Variants in DDX10 observed in about 807,000 individuals in gnomAD.
DDX10 encodes probable ATP-dependent RNA helicase DDX10.
In DDX10, 74 loss-of-function variants were observed where a neutral mutation model predicts 104.3. The ratio of observed to expected loss-of-function variants is 0.71; its 90% CI spans 0.59 to 0.86. The LOEUF is 0.86. Ranked by LOEUF, DDX10 falls within the 40% of genes least tolerant of loss-of-function variation. The pLI, the probability that DDX10 is intolerant of heterozygous loss-of-function variation, is 0.00. For missense variants in DDX10, 952 were observed against 1,040.0 expected (o/e 0.92, Z 1.16); for synonymous variants, 351 against 353.4 (o/e 0.99, Z 0.08).
intron 13 of DDX10, among the ~76,000 whole-genome samples, chr11:108,735,783 TGA>T (rs1189423176): frequency 6.6e-6 from 1 of 152,136 alleles, no homozygotes; most frequent in Non-Finnish European, 1.5e-5. Flanking sequence ...TATTGAACAC[TGA>T]GAGCTAGGCA....
At chr11:108,905,005 C>T (rs1051618283) in intron 16 of DDX10, among the ~76,000 whole-genome samples, 1 of 152,112 alleles carries the variant, frequency 6.6e-6, no homozygotes, top group African/African-American at 2.4e-5. Flanking sequence ...TAATTTGAGA[C>T]CTATGTTCTT....
At chr11:108,731,414 TAA>T (rs1257761840) in intron 13 of DDX10, among the ~76,000 whole-genome samples, 5 of 152,146 alleles carry the variant, frequency 3.3e-5, no homozygotes, top group Non-Finnish European at 7.3e-5. Context: ...TTTTAAAAAT[TAA>T]TACTTATTTT....
rs2094345466 is a variant in DDX10 at position 108,757,176 on chromosome 11, A to G, written c.1965+33714A>G. ...CAAACCAAATCATCAACCTGTCTGCAGTCTCCTTCACCTCTGTCTTCTTCC... is the reference window on the plus strand; with the variant it reads ...CAAACCAAATCATCAACCTGTCTGCGGTCTCCTTCACCTCTGTCTTCTTCC... On this transcript the variant is annotated intron_variant, in intron 13 of 17. Transcript: ENST00000322536. Among the ~76,000 whole-genome samples the G allele has an allele frequency of 2.0e-5, 3 of 152,110 alleles. No individual in the cohort carries two copies. The South Asian group carries it at 6.2e-4, about 32-fold the overall frequency.
chr11:108,829,040 C>G (rs969675450), intron 13 of DDX10, among the ~76,000 whole-genome samples: 1 of 152,206 alleles, frequency 6.6e-6, no homozygotes, highest in African/African-American at 2.4e-5. Context: ...GCAAATTGTG[C>G]TGCTATAAGC....
chr11:108,882,459 G>A (rs899208650), intron 16 of DDX10, among the ~76,000 whole-genome samples: 1 of 152,112 alleles, frequency 6.6e-6, no homozygotes, highest in Non-Finnish European at 1.5e-5. Flanking sequence ...ATGAATGTTG[G>A]GCTGAAATGA....
At chr11:108,692,221 C>T (rs866988761) in intron 8 of DDX10, among the ~76,000 whole-genome samples, 183 bp downstream of exon 8, 7 of 152,086 alleles carry the variant, frequency 4.6e-5, no homozygotes, top group South Asian at 4.1e-4. Context: ...TGAAAATTTC[C>T]ACAGTATTTG....
At chr11:108,846,398 C>A (rs567083892) in intron 15 of DDX10, among the ~76,000 whole-genome samples, 1 of 152,264 alleles carries the variant, frequency 6.6e-6, no homozygotes, top group East Asian at 1.9e-4. Context: ...TACACTATAA[C>A]CAACATCTTC....
chr11:108,691,681 T>C (rs2094252676), intron 7 of DDX10, among the ~76,000 whole-genome samples, 195 bp from the exon 8 acceptor site: 2 of 152,218 alleles, frequency 1.3e-5, no homozygotes, highest in African/African-American at 4.8e-5. Context: ...CGTTAGGAAA[T>C]AGAAATGTGA....
At position 108,794,552 on chromosome 11, in the gene DDX10, T is replaced by C. The variant is rs576040482; in HGVS notation, c.1966-43894T>C. Among the ~76,000 whole-genome samples, 5 of 14,974 alleles carry C rather than the reference T, an allele frequency of 3.3e-4. No homozygotes were observed. In the East Asian group the frequency reaches 7.3e-3, roughly 22 times the overall value. 9.8% of individuals were successfully genotyped at this position (14,974 alleles called of 152,430 possible). A position where few individuals can be genotyped will look rare whatever the true frequency, so the allele number is the denominator to read the frequency against. ...AAGTTGAATAAGTTCCATTTCCTTC[T>C]GTTCAGTTTTTTTTTTTAATCACAA... is the stretch of plus-strand genomic sequence containing the variant. On this transcript the variant is annotated intron_variant, in intron 13 of 17. Transcript: ENST00000322536.
At chr11:108,706,714 A>G (rs375212124) in intron 9 of DDX10, 25 bp from the exon 10 acceptor site, 1 of 1,574,264 alleles carries the variant, frequency 6.4e-7, no homozygotes, top group Non-Finnish European at 8.7e-7. Flanking sequence ...TTGATGTGTT[A>G]AAGATTTTGT....
intron 6 of DDX10, among the ~76,000 whole-genome samples, chr11:108,684,141 CTTT>C (rs56168476): frequency 3.2e-5 from 1 of 31,308 alleles, no homozygotes; most frequent in African/African-American, 1.2e-4. Flanking sequence ...ATTTCCAGTT[CTTT>C]TTTTTTTTTT....
chr11:108,940,164 A>G, intron 17 of DDX10, 82 bp from the exon 18 acceptor site: 2 of 1,395,626 alleles, frequency 1.4e-6, no homozygotes, highest in Non-Finnish European at 1.9e-6. Flanking sequence ...TCACTTTACC[A>G]ACTCTCTGTT....
intron 13 of DDX10, among the ~76,000 whole-genome samples, chr11:108,796,795 A>T (rs898410929): frequency 3.9e-5 from 6 of 152,128 alleles, no homozygotes; most frequent in Admixed American, 3.9e-4. Flanking sequence ...TGTTTCAGCG[A>T]TGGGGGCACT....
intron 16 of DDX10, among the ~76,000 whole-genome samples, chr11:108,858,204 C>G (rs1042694645): frequency 6.6e-6 from 1 of 151,988 alleles, no homozygotes; most frequent in Non-Finnish European, 1.5e-5. Flanking sequence ...GAACTGTTTC[C>G]GTTTTGAAGC....
At chr11:108,824,107 A>G (rs567552798) in intron 13 of DDX10, among the ~76,000 whole-genome samples, 2 of 152,276 alleles carry the variant, frequency 1.3e-5, no homozygotes, top group East Asian at 1.9e-4. Context: ...CAATGGCGCA[A>G]TCTTGGCTCA....
Position 108,665,327 on chromosome 11 carries a change from G to A in DDX10, c.174G>A (p.Gln58=), listed in dbSNP as rs775651236. The A allele has an allele frequency of 1.3e-6, 2 of 1,591,770 alleles. No homozygotes were observed. Among genetic ancestry groups the A allele is most frequent in the South Asian group, 2.3e-5 (2 of 88,140 alleles). The part of the protein sequence containing the change: ...VERESISRLM[Q]NYEKINVNEI... The stretch of plus-strand genomic sequence containing the variant: ...GCGAGAGTATCAGCCGCCTCATGCA[G>A]AACTATGAAAAGGTGAGGCCGGCGC... The change falls in exon 1 of 18, where the codon CAG becomes CAA. Residue 58 remains glutamine, a synonymous_variant. Transcript: ENST00000322536.
intron 16 of DDX10, among the ~76,000 whole-genome samples, chr11:108,888,793 A>G (rs1863336480): frequency 6.6e-6 from 1 of 152,050 alleles, no homozygotes; most frequent in African/African-American, 2.4e-5. Context: ...TTAAAAAAAA[A>G]AAACCACTTT....
intron 13 of DDX10, among the ~76,000 whole-genome samples, chr11:108,819,617 G>A (rs188215948): frequency 6.7e-6 from 1 of 149,980 alleles, no homozygotes; most frequent in East Asian, 2.0e-4. Flanking sequence ...CTTTTTTTTT[G>A]AGACGGAGTC....
At chr11:108,898,954 C>T (rs997328102) in intron 16 of DDX10, among the ~76,000 whole-genome samples, 1 of 152,174 alleles carries the variant, frequency 6.6e-6, no homozygotes, top group African/African-American at 2.4e-5. Context: ...TTAATGTACA[C>T]ACATTTGCAT....
Sources: gnomAD v4.1 joint callset for allele counts (sites outside exome capture counted in the v4.1 genomes callset) on GRCh38, gnomAD v4.1.1 for gene constraint, MANE v1.5 for transcripts, NCBI Gene and HGNC (gene_info 2026-07-23, HGNC 2026-07-21) for gene names.